EYS: variants seen among roughly 807,000 people sequenced by gnomAD.
EYS encodes the protein EGF-like photoreceptor maintenance factor, also known as protein eyes shut homolog.
In EYS, 250 loss-of-function variants were observed where a neutral mutation model predicts 282.1. The observed-to-expected ratio is 0.89, with a 90% CI of 0.80 to 0.98. EYS has a LOEUF of 0.98. Ranked by LOEUF, EYS falls within the 50% of genes least tolerant of loss-of-function variation. The probability of loss-of-function intolerance (pLI) is 0.00; values close to 1 mark genes in which losing one functional copy is unlikely to be tolerated. For synonymous variants in EYS, 1,355 were observed against 1,282.9 expected (o/e 1.06, Z -1.20); for missense variants, 4,016 against 3,709.0 (o/e 1.08, Z -2.15).
At chr6:64,076,308 C>A (rs1408894267) in intron 32 of EYS, among the ~76,000 whole-genome samples, 2 of 151,846 alleles carry the variant, frequency 1.3e-5, no homozygotes. Context: ...AACTCAGAAA[C>A]AAAACTTAAG....
rs1326311914 is a variant in EYS at position 63,721,656 on chromosome 6, C to T, written c.8375G>A (p.Gly2792Asp). The T allele has an allele frequency of 5.2e-6, 8 of 1,551,330 alleles. No individual in the cohort carries two copies. The highest frequency in any genetic ancestry group is 2.4e-5 in the East Asian group (1 of 40,924). ...ATCTAGATCCAGGTAGCCTTCTGCACCAACTCTTCCTGCTTTTATTATATG... is the reference window on the plus strand; with the variant it reads ...ATCTAGATCCAGGTAGCCTTCTGCATCAACTCTTCCTGCTTTTATTATATG... ...TWHIIKAGRV[G>D]AEGYLDLDGI... Residue 2792 changes from glycine to aspartate, a missense_variant, in exon 43 of 43, where the codon GGT becomes GAT. Coordinates refer to ENST00000503581, the MANE Select transcript of EYS (RefSeq NM_001142800.2).
intron 22 of EYS, among the ~76,000 whole-genome samples, chr6:64,652,061 G>A (rs562922249): frequency 6.6e-6 from 1 of 152,278 alleles, no homozygotes; most frequent in African/African-American, 2.4e-5. Flanking sequence ...TTTACTTTGA[G>A]GGAGCAATTT....
At chr6:64,402,307 A>C (rs1773559832) in intron 28 of EYS, among the ~76,000 whole-genome samples, 1 of 152,186 alleles carries the variant, frequency 6.6e-6, no homozygotes, top group South Asian at 2.1e-4. Context: ...CAGTAAAAAA[A>C]TAACCTCTCA....
At chr6:64,676,309 A>AATATAT (rs1465260083) in intron 22 of EYS, among the ~76,000 whole-genome samples, 2 of 131,926 alleles carry the variant, frequency 1.5e-5, no homozygotes, top group Non-Finnish European at 3.4e-5. Flanking sequence ...ATCTATATCC[A>AATATAT]ATATATCTAT....
intron 32 of EYS, among the ~76,000 whole-genome samples, chr6:64,067,431 C>T (rs1042155098): frequency 6.6e-6 from 1 of 152,098 alleles, no homozygotes; most frequent in Non-Finnish European, 1.5e-5. Context: ...TGATGTTTAA[C>T]AGCTATAGTT....
intron 5 of EYS, among the ~76,000 whole-genome samples, chr6:65,478,277 T>A (rs1765481068): frequency 6.6e-6 from 1 of 152,148 alleles, no homozygotes; most frequent in Non-Finnish European, 1.5e-5. Flanking sequence ...AGCAAACGAC[T>A]GGTTAAGAAA....
chr6:63,927,141 T>A (rs1031930960), intron 35 of EYS, among the ~76,000 whole-genome samples: 28 of 152,214 alleles, frequency 1.8e-4, no homozygotes, highest in African/African-American at 5.5e-4. Flanking sequence ...GTTGGGAAAT[T>A]ACTTGACCTC....
chr6:65,536,459 A>T (rs1767967271), intron 2 of EYS, among the ~76,000 whole-genome samples: 1 of 152,108 alleles, frequency 6.6e-6, no homozygotes, highest in Admixed American at 6.6e-5. Flanking sequence ...ATTAACAATT[A>T]TGTTTCACAA....
intron 22 of EYS, among the ~76,000 whole-genome samples, chr6:64,712,855 A>G (rs77528514): frequency 0.017 from 2,539 of 152,334 alleles, 65 homozygotes; most frequent in African/African-American, 0.057. Context: ...GAAGACAACT[A>G]TGCAACAAGA....
At chr6:64,295,751 G>A (rs1768954540) in intron 30 of EYS, among the ~76,000 whole-genome samples, 1 of 149,800 alleles carries the variant, frequency 6.7e-6, no homozygotes, top group South Asian at 2.1e-4. Flanking sequence ...AAGAAAATGG[G>A]TCTGCCACTC....
chr6:64,796,686 T>A (rs1208136245), intron 22 of EYS, among the ~76,000 whole-genome samples: 1 of 152,164 alleles, frequency 6.6e-6, no homozygotes, highest in Non-Finnish European at 1.5e-5. Context: ...TCAAGTACTG[T>A]ACGTTGAGCC....
intron 35 of EYS, among the ~76,000 whole-genome samples, chr6:63,945,192 G>T (rs982204623): frequency 6.6e-6 from 1 of 152,082 alleles, no homozygotes; most frequent in African/African-American, 2.4e-5. Context: ...GGCTGGGGAG[G>T]CCTCAAAAAA....
intron 7 of EYS, among the ~76,000 whole-genome samples, chr6:65,401,289 A>G (rs1490896591): frequency 2.0e-5 from 3 of 151,752 alleles, no homozygotes; most frequent in African/African-American, 7.2e-5. Flanking sequence ...ATTTTTTTCA[A>G]CTTCATACTT....
intron 14 of EYS, among the ~76,000 whole-genome samples, chr6:64,968,853 T>C (rs898455960): frequency 6.6e-6 from 1 of 152,102 alleles, no homozygotes; most frequent in Non-Finnish European, 1.5e-5. Flanking sequence ...TGAAAGGAGA[T>C]GCTTTGCTCT....
intron 12 of EYS, among the ~76,000 whole-genome samples, chr6:65,290,895 T>G (rs986048945): frequency 1.3e-5 from 2 of 151,490 alleles, no homozygotes; most frequent in Middle Eastern, 3.4e-3. Context: ...CATCACCATG[T>G]TTAATGATAG....
At chr6:64,806,265 A>AT (rs897888269) in intron 22 of EYS, among the ~76,000 whole-genome samples, 1 of 151,850 alleles carries the variant, frequency 6.6e-6, no homozygotes. Context: ...AGCTAAGTTG[A>AT]TTAATGATAG....
chr6:64,619,370 T>G (rs1266927668), intron 23 of EYS, among the ~76,000 whole-genome samples: 1 of 152,098 alleles, frequency 6.6e-6, no homozygotes, highest in Non-Finnish European at 1.5e-5. Flanking sequence ...AAAGAAGACT[T>G]CATTCAAGAG....
At chr6:64,745,116 A>C (rs1412920046) in intron 22 of EYS, among the ~76,000 whole-genome samples, 2 of 152,348 alleles carry the variant, frequency 1.3e-5, no homozygotes, top group Middle Eastern at 3.4e-3. Flanking sequence ...AATTTCAAAA[A>C]GAAAACTGTT....
At chr6:63,723,385 A>G (rs138256892) in intron 42 of EYS, among the ~76,000 whole-genome samples, 3 of 152,322 alleles carry the variant, frequency 2.0e-5, no homozygotes, top group African/African-American at 7.2e-5. Flanking sequence ...AGCAACCTAA[A>G]TATACTTTGT....
Sources: allele counts gnomAD v4.1 joint callset (sites outside exome capture counted in the v4.1 genomes callset), GRCh38; gene constraint gnomAD v4.1.1; transcripts MANE v1.5; gene names NCBI Gene and HGNC (gene_info 2026-07-23, HGNC 2026-07-21).